Variants in LIN7A observed in about 807,000 individuals in gnomAD.
LIN7A encodes lin-7 cell polarity scaffold A.
LIN7A carries 25 observed loss-of-function variants against 29.8 expected under a neutral mutation model. The observed-to-expected ratio is 0.84, with a 90% confidence interval of 0.61 to 1.17. The LOEUF (loss-of-function observed/expected upper bound fraction) is 1.17, where lower values mean the gene tolerates loss of function less well. Among genes scored for constraint, LIN7A ranks in the 50% most tolerant of loss-of-function variants. LIN7A has a pLI of 0.00. For missense variants in LIN7A, 239 were observed against 287.0 expected, an observed-to-expected ratio of 0.83 and a Z score of 1.21; for synonymous variants, 118 against 107.5, an observed-to-expected ratio of 1.10 and a Z score of -0.60.
chr12:80,918,899 T>C (rs371092601), intron 1 of LIN7A, among the ~76,000 whole-genome samples: 1 of 152,242 alleles, frequency 6.6e-6, no homozygotes, highest in South Asian at 2.1e-4. Context: ...ATTTGCACTG[T>C]ACCTTTTCTA....
chr12:80,816,487 A>ATG (rs1317528335), intron 4 of LIN7A, among the ~76,000 whole-genome samples: 7 of 151,814 alleles, frequency 4.6e-5, no homozygotes, highest in African/African-American at 1.7e-4. Flanking sequence ...CAATAGTTAT[A>ATG]TATATATATG....
intron 3 of LIN7A, among the ~76,000 whole-genome samples, chr12:80,847,924 T>C (rs929821342): frequency 2.6e-5 from 4 of 152,194 alleles, no homozygotes; most frequent in Non-Finnish European, 5.9e-5. Context: ...GCACTGAATA[T>C]GATACAGGTT....
chr12:80,931,680 G>A (rs542355009), intron 1 of LIN7A, among the ~76,000 whole-genome samples: 35 of 151,338 alleles, frequency 2.3e-4, no homozygotes, highest in African/African-American at 8.0e-4. Context: ...GGAGTGTTTT[G>A]TAACTATATA....
intron 2 of LIN7A, among the ~76,000 whole-genome samples, chr12:80,888,834 T>C (rs1875472205): frequency 6.6e-6 from 1 of 152,160 alleles, no homozygotes; most frequent in Non-Finnish European, 1.5e-5. Flanking sequence ...TCCATTGCCT[T>C]AGACAGTAAT....
intron 2 of LIN7A, among the ~76,000 whole-genome samples, chr12:80,869,939 A>G (rs186133979): frequency 1.0e-3 from 154 of 152,286 alleles, no homozygotes; most frequent in African/African-American, 3.4e-3. Context: ...TTTCTCATGA[A>G]TTTTGGAGAT....
chr12:80,881,498 G>C (rs149790648), intron 2 of LIN7A, among the ~76,000 whole-genome samples: 18 of 151,938 alleles, frequency 1.2e-4, no homozygotes, highest in African/African-American at 3.1e-4. Flanking sequence ...ATGCTACTCT[G>C]TCCATGTTTA....
intron 2 of LIN7A, among the ~76,000 whole-genome samples, chr12:80,882,494 C>T (rs1473196414): frequency 4.7e-5 from 7 of 150,516 alleles, no homozygotes; most frequent in African/African-American, 1.2e-4. Context: ...CCGTTTTAGC[C>T]GGGATGGTCT....
intron 5 of LIN7A, among the ~76,000 whole-genome samples, chr12:80,810,393 CTGTGTGTGTGTGTGTGTGTGTGTGTG>C (rs71094992): frequency 4.8e-5 from 7 of 146,916 alleles, no homozygotes; most frequent in African/African-American, 1.0e-4. Flanking sequence ...TGGTATACAT[CTGTGTGTGTGTGTGTGTGTGTGTGTG>C]TGTGTGTGTG....
chr12:80,813,693 A>G (rs1871402507), intron 4 of LIN7A, among the ~76,000 whole-genome samples: 2 of 152,304 alleles, frequency 1.3e-5, no homozygotes, highest in African/African-American at 4.8e-5. Context: ...AAGATTCTCC[A>G]GGTTAGGATG....
chr12:80,875,520 T>C (rs2120531830), intron 2 of LIN7A, among the ~76,000 whole-genome samples: 1 of 152,324 alleles, frequency 6.6e-6, no homozygotes, highest in Admixed American at 6.5e-5. Flanking sequence ...AAAATTTGGC[T>C]CTAATTACAG....
chr12:80,869,873 A>C (rs991795176), intron 2 of LIN7A, among the ~76,000 whole-genome samples: 1 of 152,076 alleles, frequency 6.6e-6, no homozygotes, highest in African/African-American at 2.4e-5. Context: ...ACAGTGTTGC[A>C]TGGAAACCTA....
At chr12:80,837,851 C>T (rs886460224) in intron 4 of LIN7A, among the ~76,000 whole-genome samples, 2 of 151,946 alleles carry the variant, frequency 1.3e-5, no homozygotes, top group African/African-American at 4.8e-5. Flanking sequence ...TCATCATCAT[C>T]ATCATCATCA....
intron 1 of LIN7A, among the ~76,000 whole-genome samples, chr12:80,932,789 C>T (rs1328216160): frequency 2.0e-5 from 3 of 152,174 alleles, no homozygotes; most frequent in East Asian, 3.9e-4. Flanking sequence ...TAAATCCATG[C>T]GGTCTTTAAT....
At chr12:80,854,550 C>G (rs1285709683) in intron 2 of LIN7A, among the ~76,000 whole-genome samples, 1 of 114,096 alleles carries the variant, frequency 8.8e-6, no homozygotes, top group East Asian at 2.9e-4. Flanking sequence ...TTGAAAAAGA[C>G]AAAACAATAC....
chr12:80,924,847 C>A (rs923566883), intron 1 of LIN7A, among the ~76,000 whole-genome samples: 1 of 152,174 alleles, frequency 6.6e-6, no homozygotes, highest in African/African-American at 2.4e-5. Flanking sequence ...TAACTCCTGT[C>A]CTGAACTATC....
rs777411417 is a variant in LIN7A, at chr12:80,807,072, T to TGG, written c.*4392_*4393insCC. On this transcript the variant is annotated intron_variant, in intron 5 of 5. Coordinates refer to ENST00000552864, the MANE Select transcript of LIN7A (RefSeq NM_004664.4). ...ATTTAATGAAGATGGAGTTTTTTTT[T>TGG]TTTTTTTTTTTTTTTTTTTGACGGA... 7.3e-3 allele frequency among the ~76,000 whole-genome samples: 879 copies of TGG among 120,276 alleles called. 46 individuals are homozygous for TGG. The highest frequency in any genetic ancestry group is 0.028 in the African/African-American group (838 of 29,648). 78.9% of individuals were successfully genotyped at this position (120,276 alleles called of 152,430 possible). A position where few individuals can be genotyped will look rare whatever the true frequency, so the allele number is the denominator to read the frequency against.
intron 1 of LIN7A, among the ~76,000 whole-genome samples, chr12:80,895,121 C>T (rs1459031899): frequency 1.3e-5 from 2 of 152,142 alleles, no homozygotes; most frequent in Admixed American, 6.5e-5. Flanking sequence ...TATAACACTG[C>T]CGAAAGCCTC....
chr12:80,904,972 T>G lies in LIN7A; in HGVS notation c.83-15603A>C, dbSNP rs74519966. ...ATTAGTTTTTTGAAACATCTTTTGC[T>G]CCATGATCATTTACTTATTATTACT... On this transcript the variant is annotated intron_variant, in intron 1 of 5. Coordinates refer to ENST00000552864, the MANE Select transcript of LIN7A (RefSeq NM_004664.4). Among the ~76,000 whole-genome samples, 250 of 152,284 alleles carry G rather than the reference T, an allele frequency of 1.6e-3. 5 individuals carry two copies. The East Asian group carries it at 0.046, about 28-fold the overall frequency.
At chr12:80,878,877 T>A (rs891206458) in intron 2 of LIN7A, among the ~76,000 whole-genome samples, 6 of 152,194 alleles carry the variant, frequency 3.9e-5, no homozygotes, top group African/African-American at 1.4e-4. Context: ...TGTTTTACAA[T>A]CCTAGCTACA....
Sources: gnomAD v4.1 joint callset for allele counts (sites outside exome capture counted in the v4.1 genomes callset) on GRCh38, gnomAD v4.1.1 for gene constraint, MANE v1.5 for transcripts, NCBI Gene and HGNC (gene_info 2026-07-23, HGNC 2026-07-21) for gene names.